The following KANK1 variants were observed in gnomAD, a reference collection of about 807,000 sequenced individuals.
The protein encoded by KANK1 is KN motif and ankyrin repeat domain-containing protein 1.
In KANK1, 109 loss-of-function variants were observed where a neutral mutation model predicts 106.2. The ratio of observed to expected loss-of-function variants is 1.03; its 90% confidence interval spans 0.88 to 1.20. The LOEUF is 1.20. KANK1 is among the 50% of genes most tolerant of loss of function. The pLI, the probability that KANK1 is intolerant of heterozygous loss-of-function variation, is 0.00. For missense variants in KANK1, 2,399 were observed against 1,710.7 expected (o/e 1.40, Z -7.10); for synonymous variants, 873 against 652.2 (o/e 1.34, Z -5.16).
At chr9:690,421 C>G (rs7024839) in intron 2 of KANK1, among the ~76,000 whole-genome samples, 107,419 of 152,056 alleles carry the variant, frequency 0.71, 38,667 homozygotes, top group Middle Eastern at 0.81. Context: ...TAGAATAGCA[C>G]CATGCTTATG....
chr9:505,324 C>T (rs937914463), intron 1 of KANK1, among the ~76,000 whole-genome samples: 3 of 152,128 alleles, frequency 2.0e-5, no homozygotes, highest in Admixed American at 6.5e-5. Flanking sequence ...TCCGAGGTGG[C>T]TTCGGCCGGG....
rs1306483082 is a variant in KANK1, at chr9:598,615, G to GTTTTTTTTTTTTT, written c.-83-78271_-83-78270insTTTTTTTTTTTTT. The stretch of plus-strand genomic sequence containing the variant: ...TAGGTTTTTTTGTTTTGTTTTGTTG[G>GTTTTTTTTTTTTT]TTTTCTTTTTTTTTTTTTTTTTTTT... On this transcript the variant is annotated intron_variant, in intron 1 of 11. Transcript: ENST00000382297. Among the ~76,000 whole-genome samples, 7 of 73,332 alleles carry GTTTTTTTTTTTTT rather than the reference G, an allele frequency of 9.5e-5. No individual in the cohort carries two copies. In the East Asian group the frequency reaches 2.2e-3, roughly 23 times the overall value. 48.1% of individuals were successfully genotyped at this position (73,332 alleles called of 152,430 possible).
chr9:531,806 T>C (rs1260907535), intron 1 of KANK1, among the ~76,000 whole-genome samples: 1 of 152,244 alleles, frequency 6.6e-6, no homozygotes, highest in African/African-American at 2.4e-5. Flanking sequence ...ACTGTTACTC[T>C]GAAATAGCCC....
chr9:538,513 C>T (rs1280862480), intron 1 of KANK1, among the ~76,000 whole-genome samples: 1 of 152,190 alleles, frequency 6.6e-6, no homozygotes, highest in Non-Finnish European at 1.5e-5. Context: ...CAGGCTGGAG[C>T]AGTTTTTAAA....
At chr9:499,257 A>G (rs1264016033) in intron 3 of KANK1, among the ~76,000 whole-genome samples, 3 of 152,176 alleles carry the variant, frequency 2.0e-5, no homozygotes, top group South Asian at 2.1e-4. Context: ...AAGAGAGAGG[A>G]AAACATGTTT....
intron 10 of KANK1, 68 bp downstream of exon 10, chr9:742,473 C>T (rs1461575124): frequency 8.3e-6 from 11 of 1,324,520 alleles, no homozygotes; most frequent in Non-Finnish European, 1.0e-5. Context: ...TCTGGGAGTG[C>T]CTTTTGGCCA....
At chr9:671,186 A>G (rs7024722) in intron 1 of KANK1, among the ~76,000 whole-genome samples, 19,846 of 151,404 alleles carry the variant, frequency 0.13, 1,582 homozygotes, top group Admixed American at 0.17. Flanking sequence ...GCATTTTTGA[A>G]ATTCCTACCA....
chr9:672,879 C>T (rs534980935), intron 1 of KANK1, among the ~76,000 whole-genome samples: 1 of 152,248 alleles, frequency 6.6e-6, no homozygotes, highest in South Asian at 2.1e-4. Context: ...TTTCCTAAAT[C>T]GTTTCGCAGG....
intron 1 of KANK1, among the ~76,000 whole-genome samples, chr9:628,824 A>C (rs1329698042): frequency 6.6e-6 from 1 of 152,012 alleles, no homozygotes; most frequent in Non-Finnish European, 1.5e-5. Context: ...CACTCCTGTA[A>C]TCCTAGCATT....
chr9:528,498 T>G (rs2059909315), intron 1 of KANK1, among the ~76,000 whole-genome samples: 1 of 125,052 alleles, frequency 8.0e-6, no homozygotes, highest in African/African-American at 3.7e-5. Context: ...TTTTTTTTTT[T>G]TGAGACGGAG....
chr9:555,376 A>G (rs113191931), intron 1 of KANK1, among the ~76,000 whole-genome samples: 1 of 149,380 alleles, frequency 6.7e-6, no homozygotes, highest in African/African-American at 2.6e-5. Flanking sequence ...TAGATGTGCA[A>G]ACTGTGCAGT....
At chr9:740,299 C>G (rs983996951) in intron 8 of KANK1, among the ~76,000 whole-genome samples, 1 of 152,130 alleles carries the variant, frequency 6.6e-6, no homozygotes, top group Non-Finnish European at 1.5e-5. Context: ...TTTCAGGACC[C>G]CCGACAGGCC....
intron 2 of KANK1, among the ~76,000 whole-genome samples, chr9:700,763 C>T (rs554467597): frequency 4.6e-5 from 7 of 152,152 alleles, no homozygotes; most frequent in South Asian, 2.1e-4. Flanking sequence ...TGGTATCTGG[C>T]GAAGAAAAAC....
rs538242429 is a variant in KANK1 at position 535,062 on chromosome 9, A to G, written c.-84+30308A>G. Among the ~76,000 whole-genome samples, 54 of 152,286 alleles carry G rather than the reference A, an allele frequency of 3.5e-4. 1 individual carries two copies. The highest frequency in any genetic ancestry group is 3.4e-3 in the Middle Eastern group (1 of 294). ...GGATTGGCCACATCACTTCCTGTCC[A>G]AGTTGGCACTGAGAGTGGCACAGTA... On this transcript the variant is annotated intron_variant, in intron 1 of 11. Coordinates refer to ENST00000382297, the MANE Select transcript of KANK1 (RefSeq NM_015158.5).
chr9:730,252 A>C lies in KANK1; in HGVS notation c.2896+4A>C, dbSNP rs1165846008. The stretch of plus-strand genomic sequence containing the variant: ...CAGATCGCCGCTGGCCTCTATGGTA[A>C]CTTTTCTCACTCACAGTCATTGGCA... On this transcript the variant is annotated splice_donor_region_variant and intron_variant, in intron 4 of 11. Coordinates refer to ENST00000382297, the MANE Select transcript of KANK1 (RefSeq NM_015158.5). 2 of 1,614,078 alleles carry C rather than the reference A, an allele frequency of 1.2e-6. No homozygotes were observed. Among genetic ancestry groups the C allele is most frequent in the Non-Finnish European group, 1.7e-6 (2 of 1,179,906 alleles).
chr9:710,849 A>C lies in KANK1; in HGVS notation c.83A>C (p.Lys28Thr). ...ILSGDQDKEQ[K>T]DPYFVETPYG... is the part of the protein sequence containing the mutation. ...AGTGGAGACCAGGACAAGGAACAGA[A>C]AGACCCTTACTTTGTGGAGACCCCC... Residue 28 changes from lysine to threonine, a missense_variant, in exon 3 of 12, where the codon AAA becomes ACA. Lys to Thr is a moderately conservative substitution (Grantham distance 78, BLOSUM62 -1). Transcript: ENST00000382297. 1 of 1,612,430 alleles carries C rather than the reference A, an allele frequency of 6.2e-7. No individual in the cohort carries two copies. Among genetic ancestry groups the C allele is most frequent in the Non-Finnish European group, 8.5e-7 (1 of 1,179,376 alleles).
In KANK1 at chr9:570,836, T is replaced by C. The variant is rs138482782; in HGVS notation, c.-84+66082T>C. Among the ~76,000 whole-genome samples the C allele has an allele frequency of 1.2e-4, 18 of 152,328 alleles. No individual in the cohort carries two copies. The East Asian group carries it at 3.3e-3, about 28-fold the overall frequency. On this transcript the variant is annotated intron_variant, in intron 1 of 11. Coordinates refer to ENST00000382297, the MANE Select transcript of KANK1 (RefSeq NM_015158.5). ...AGTTTTTCATGAGACTTTCTAAACA[T>C]GCTTAATCTCTGCATACTATTTTAA...
intron 1 of KANK1, among the ~76,000 whole-genome samples, chr9:658,715 CTGTT>C (rs1336493217): frequency 6.6e-6 from 1 of 152,078 alleles, no homozygotes; most frequent in Non-Finnish European, 1.5e-5. Context: ...TGCTGTAGCA[CTGTT>C]TGTTGAAAAG....
intron 1 of KANK1, chr9:558,888 C>T (rs1349634623): frequency 6.6e-6 from 1 of 151,954 alleles, no homozygotes; most frequent in Non-Finnish European, 1.5e-5. Flanking sequence ...AGTATGGCCC[C>T]TGTGCAAGGA....
Sources: gnomAD v4.1 joint callset for allele counts (sites outside exome capture counted in the v4.1 genomes callset) on GRCh38, gnomAD v4.1.1 for gene constraint, MANE v1.5 for transcripts, NCBI Gene and HGNC (gene_info 2026-07-23, HGNC 2026-07-21) for gene names.